Variants in CUX1 observed in about 807,000 individuals in gnomAD.
The protein encoded by CUX1 is protein CASP.
In CUX1, 31 loss-of-function variants were observed where a neutral mutation model predicts 158.8. That is an observed-to-expected ratio of 0.20 (90% CI 0.15 to 0.26). CUX1 has a LOEUF of 0.26. CUX1 is among the 10% of genes least tolerant of loss of function. The probability of loss-of-function intolerance (pLI) is 1.00; values close to 1 mark genes in which losing one functional copy is unlikely to be tolerated. For synonymous variants in CUX1, 879 were observed against 862.1 expected (o/e 1.02, Z -0.34); for missense variants, 1,589 against 2,014.6 (o/e 0.79, Z 4.04).
chr7:101,884,813 G>A (rs549478465), intron 1 of CUX1, among the ~76,000 whole-genome samples: 2 of 152,330 alleles, frequency 1.3e-5, no homozygotes, highest in South Asian at 4.1e-4. Flanking sequence ...TGGATAAACA[G>A]AGGATTTGTT....
At chr7:102,131,479 C>T (rs1833224991) in intron 8 of CUX1, among the ~76,000 whole-genome samples, 1 of 141,080 alleles carries the variant, frequency 7.1e-6, no homozygotes, top group African/African-American at 2.6e-5. Context: ...AACAGCAAGA[C>T]ATAATTTCTG....
chr7:102,269,469 C>CAGG (rs1791053129), intron 14 of CUX1, among the ~76,000 whole-genome samples: 1 of 151,780 alleles, frequency 6.6e-6, no homozygotes, highest in Non-Finnish European at 1.5e-5. Context: ...ACAATGGTGC[C>CAGG]ATCTCAGCTC....
chr7:101,864,927 A>G (rs1284241915), intron 1 of CUX1, among the ~76,000 whole-genome samples: 2 of 152,242 alleles, frequency 1.3e-5, no homozygotes, highest in East Asian at 3.8e-4. Flanking sequence ...TTAATATTTA[A>G]TGAGCCACCT....
intron 2 of CUX1, among the ~76,000 whole-genome samples, chr7:101,965,333 C>G (rs953138336): frequency 7.9e-5 from 12 of 152,076 alleles, no homozygotes; most frequent in Admixed American, 6.6e-4. Context: ...GTATCACAGA[C>G]GAAACTCACA....
chr7:102,176,746 A>G (rs2131755109), intron 10 of CUX1, among the ~76,000 whole-genome samples: 1 of 150,638 alleles, frequency 6.6e-6, no homozygotes, highest in East Asian at 2.0e-4. Context: ...TAATTTTTGT[A>G]TTTTTTTGTA....
intron 14 of CUX1, among the ~76,000 whole-genome samples, chr7:102,265,583 C>T (rs1338371050): frequency 6.6e-6 from 1 of 151,762 alleles, no homozygotes; most frequent in Non-Finnish European, 1.5e-5. Context: ...GACAGGCGTG[C>T]ACCACCACAC....
At chr7:102,146,653 A>G (rs911307583) in intron 8 of CUX1, among the ~76,000 whole-genome samples, 5 of 152,100 alleles carry the variant, frequency 3.3e-5, no homozygotes, top group African/African-American at 9.7e-5. Context: ...GCTGGAGTAC[A>G]GTGGCGTGAT....
intron 16 of CUX1, chr7:102,274,407 C>A: frequency 1.8e-6 from 2 of 1,110,650 alleles, no homozygotes; most frequent in South Asian, 1.4e-5. Flanking sequence ...GTAGTCCCTT[C>A]CTCTAAGAAG....
intron 3 of CUX1, among the ~76,000 whole-genome samples, chr7:102,044,567 T>TAAG (rs1323068903): frequency 6.6e-6 from 1 of 152,166 alleles, no homozygotes; most frequent in Non-Finnish European, 1.5e-5. Flanking sequence ...AGCCTGCTCT[T>TAAG]AAGATTGTAC....
intron 9 of CUX1, 69 bp downstream of exon 9, chr7:102,158,677 G>A (rs1790064384): frequency 6.8e-7 from 1 of 1,478,874 alleles, no homozygotes; most frequent in Non-Finnish European, 9.4e-7. Flanking sequence ...CTCGGAAGAT[G>A]CGTCACCCGA....
Position 101,878,715 on chromosome 7 carries a change from G to A in CUX1, c.31-37400G>A, listed in dbSNP as rs543105388. On this transcript the variant is annotated intron_variant, in intron 1 of 23. Coordinates refer to ENST00000292535, the MANE Select transcript of CUX1 (RefSeq NM_181552.4). ...TAAGAGACAGAGTTTCACTGTCGCC[G>A]AGGCTGAAGTGCAGTGGTATGATCT... 8.6e-5 allele frequency among the ~76,000 whole-genome samples: 13 copies of A among 151,544 alleles called. No individual in the cohort carries two copies. In the South Asian group the frequency reaches 2.5e-3, roughly 29 times the overall value.
chr7:102,019,704 T>G (rs1187798714), intron 2 of CUX1, among the ~76,000 whole-genome samples: 1 of 152,166 alleles, frequency 6.6e-6, no homozygotes, highest in Non-Finnish European at 1.5e-5. Context: ...GGTGGAGTTG[T>G]ACCACGTACC....
In CUX1 at chr7:102,070,431, G is replaced by A; in HGVS notation, c.268+14G>A. ...TTGACGTCCCAGGTAAGCCCCGGCA[G>A]TAATGGCCCACCAGTGGGGGGCGTT... On this transcript the variant is annotated intron_variant, in intron 4 of 23. Coordinates refer to ENST00000292535, the MANE Select transcript of CUX1 (RefSeq NM_181552.4). 6.2e-7 allele frequency: 1 copy of A among 1,600,776 alleles called. No individual in the cohort carries two copies. Among genetic ancestry groups the A allele is most frequent in the Non-Finnish European group, 8.5e-7 (1 of 1,174,306 alleles).
intron 2 of CUX1, among the ~76,000 whole-genome samples, chr7:101,981,367 G>T (rs1421535139): frequency 3.3e-5 from 5 of 152,130 alleles, no homozygotes; most frequent in African/African-American, 1.2e-4. Context: ...AGAGTGGCTG[G>T]CATGTAGCAG....
At chr7:102,164,441 G>A (rs1215050956) in intron 9 of CUX1, among the ~76,000 whole-genome samples, 3 of 152,206 alleles carry the variant, frequency 2.0e-5, no homozygotes, top group East Asian at 3.9e-4. Context: ...TGTTCTCCTA[G>A]CCCACAGTGG....
At chr7:101,887,616 C>T (rs1178097840) in intron 1 of CUX1, among the ~76,000 whole-genome samples, 4 of 152,078 alleles carry the variant, frequency 2.6e-5, no homozygotes, top group African/African-American at 4.8e-5. Flanking sequence ...GCCATGTCCT[C>T]TTTTTCTGAT....
intron 1 of CUX1, among the ~76,000 whole-genome samples, chr7:101,906,867 TC>T (rs1802816526): frequency 6.6e-6 from 1 of 152,104 alleles, no homozygotes; most frequent in Admixed American, 6.6e-5. Context: ...GGTCTCTCCC[TC>T]CCACTGTCCC....
chr7:102,157,849 A>T (rs146923666), intron 8 of CUX1, among the ~76,000 whole-genome samples: 2 of 152,312 alleles, frequency 1.3e-5, no homozygotes, highest in African/African-American at 4.8e-5. Flanking sequence ...GGGTTCGCGT[A>T]TTTGCCTTCA....
At chr7:101,993,401 G>T (rs1563103466) in intron 2 of CUX1, among the ~76,000 whole-genome samples, 1 of 152,272 alleles carries the variant, frequency 6.6e-6, no homozygotes, top group Middle Eastern at 3.4e-3. Context: ...TCCAGCAGCC[G>T]CACCATCAGA....
Sources: allele counts gnomAD v4.1 joint callset (sites outside exome capture counted in the v4.1 genomes callset), GRCh38; gene constraint gnomAD v4.1.1; transcripts MANE v1.5; gene names NCBI Gene and HGNC (gene_info 2026-07-23, HGNC 2026-07-21).